Variants in ALS2 observed in about 807,000 individuals in gnomAD.
ALS2 encodes the protein alsin.
In ALS2, 117 loss-of-function variants were observed where a neutral mutation model predicts 203.4. The ratio of observed to expected loss-of-function variants is 0.58; its 90% confidence interval spans 0.50 to 0.67. The LOEUF is 0.67. Among genes scored for constraint, ALS2 ranks in the 30% least tolerant of loss-of-function variants. ALS2 has a pLI of 0.00. For missense variants in ALS2, 1,715 were observed against 1,989.4 expected (o/e 0.86, Z 2.62); for synonymous variants, 718 against 725.9 (o/e 0.99, Z 0.17).
intron 31 of ALS2, 30 bp downstream of exon 31, chr2:201,705,109 T>A: frequency 1.2e-6 from 2 of 1,603,196 alleles, no homozygotes; most frequent in Non-Finnish European, 1.7e-6. Flanking sequence ...TACTTTGATT[T>A]GTATGGCTTT....
At chr2:201,740,861 C>T (rs1692222590) in intron 11 of ALS2, among the ~76,000 whole-genome samples, 1 of 152,070 alleles carries the variant, frequency 6.6e-6, no homozygotes, top group African/African-American at 2.4e-5. Context: ...AAACAAAACA[C>T]CAACAAAACA....
intron 14 of ALS2, 149 bp downstream of exon 14, chr2:201,728,903 A>T: frequency 8.1e-7 from 1 of 1,228,642 alleles, no homozygotes; most frequent in Admixed American, 1.7e-5. Flanking sequence ...TATTTAGAGT[A>T]CCCATTAGTA....
At chr2:201,704,409 T>G (rs1486297667) in intron 32 of ALS2, 45 bp downstream of exon 32, 1 of 1,612,372 alleles carries the variant, frequency 6.2e-7, no homozygotes, top group South Asian at 1.1e-5. Context: ...GCAGCAGACT[T>G]TTAAAAATAA....
chr2:201,750,911 T>C (rs926673851), intron 7 of ALS2, among the ~76,000 whole-genome samples: 2 of 149,836 alleles, frequency 1.3e-5, no homozygotes, highest in African/African-American at 4.9e-5. Flanking sequence ...TGGAGCACAA[T>C]GGCGCAATCT....
At chr2:201,774,382 G>A (rs1243249470) in intron 1 of ALS2, among the ~76,000 whole-genome samples, 1 of 152,188 alleles carries the variant, frequency 6.6e-6, no homozygotes, top group African/African-American at 2.4e-5. Context: ...TACATTTTGT[G>A]GTGGGAGGAT....
At chr2:201,705,359 C>G in intron 30 of ALS2, 57 bp downstream of exon 30, 1 of 1,577,382 alleles carries the variant, frequency 6.3e-7, no homozygotes, top group African/African-American at 1.3e-5. Context: ...TTTGCTATCT[C>G]AAATCCTTCC....
At chr2:201,708,678 G>A (rs1689869457) in intron 27 of ALS2, among the ~76,000 whole-genome samples, 1 of 152,192 alleles carries the variant, frequency 6.6e-6, no homozygotes, top group Non-Finnish European at 1.5e-5. Context: ...ATAAATTGGT[G>A]AGGAATTTTT....
intron 3 of ALS2, among the ~76,000 whole-genome samples, chr2:201,762,155 C>A (rs1233130754): frequency 2.0e-5 from 3 of 152,086 alleles, no homozygotes; most frequent in Admixed American, 1.3e-4. Flanking sequence ...TCCAAGTGTT[C>A]AAAGGCAAAA....
At chr2:201,776,722 A>G (rs1328172787) in intron 1 of ALS2, among the ~76,000 whole-genome samples, 1 of 152,196 alleles carries the variant, frequency 6.6e-6, no homozygotes, top group Non-Finnish European at 1.5e-5. Flanking sequence ...TCACCAACTG[A>G]TAACAGTGCT....
intron 23 of ALS2, 79 bp from the exon 24 acceptor site, chr2:201,718,289 T>A: frequency 3.4e-6 from 5 of 1,469,644 alleles, no homozygotes; most frequent in Non-Finnish European, 3.8e-6. Flanking sequence ...AGACAGAGTC[T>A]CACTCTGTTG....
intron 12 of ALS2, among the ~76,000 whole-genome samples, chr2:201,737,786 G>T (rs1691977743): frequency 6.6e-6 from 1 of 152,086 alleles, no homozygotes; most frequent in Non-Finnish European, 1.5e-5. Flanking sequence ...GTTCGGGGTG[G>T]TGGTGCACAC....
At chr2:201,776,934 C>T (rs566891588) in intron 1 of ALS2, among the ~76,000 whole-genome samples, 1 of 152,238 alleles carries the variant, frequency 6.6e-6, no homozygotes, top group South Asian at 2.1e-4. Context: ...ATTAGTCAAC[C>T]ATTTAACACA....
chr2:201,766,448 C>A (rs1375116566), intron 3 of ALS2, among the ~76,000 whole-genome samples: 2 of 151,566 alleles, frequency 1.3e-5, no homozygotes, highest in African/African-American at 2.4e-5. Context: ...GAGTTCAAGA[C>A]CAGCCTGGCC....
intron 10 of ALS2, among the ~76,000 whole-genome samples, chr2:201,743,289 G>C (rs997681868): frequency 6.6e-6 from 1 of 152,086 alleles, no homozygotes; most frequent in Non-Finnish European, 1.5e-5. Context: ...ATCTGCAACA[G>C]TTCCCTCAAC....
intron 12 of ALS2, among the ~76,000 whole-genome samples, chr2:201,737,546 G>A (rs191710384): frequency 2.0e-5 from 3 of 152,218 alleles, no homozygotes; most frequent in African/African-American, 7.2e-5. Context: ...CATTTTTAAT[G>A]GTGAAATATT....
chr2:201,757,897 T>A, intron 4 of ALS2, 138 bp from the exon 5 acceptor site: 2 of 668,314 alleles, frequency 3.0e-6, no homozygotes, highest in Non-Finnish European at 5.0e-6. Flanking sequence ...CATCTTCAAC[T>A]AAAGGTATTC....
At chr2:201,706,709 T>C (rs540489636) in intron 29 of ALS2, 137 bp downstream of exon 29, 18 of 810,902 alleles carry the variant, frequency 2.2e-5, no homozygotes, top group Non-Finnish European at 3.3e-5. Flanking sequence ...ACTATCACTA[T>C]TTTGTTAAAG....
intron 13 of ALS2, among the ~76,000 whole-genome samples, chr2:201,730,641 A>G (rs964616412): frequency 6.6e-6 from 1 of 152,118 alleles, no homozygotes; most frequent in Non-Finnish European, 1.5e-5. Flanking sequence ...TTAAAAAAAA[A>G]AAAAGCAACC....
Position 201,733,168 on chromosome 2 carries a change from G to A in ALS2, c.2580+108C>T, listed in dbSNP as rs1483461099. 10 of 1,169,846 alleles carry A rather than the reference G, an allele frequency of 8.5e-6. No homozygotes were observed. The Admixed American group carries it at 1.7e-4, about 20-fold the overall frequency. The allele number at this position is 1,169,846 out of a possible 1,614,324, so 72.5% of individuals were successfully genotyped here. A position where few individuals can be genotyped will look rare whatever the true frequency, so the allele number is the denominator to read the frequency against. On this transcript the variant is annotated intron_variant, in intron 13 of 33. Coordinates refer to ENST00000264276, the MANE Select transcript of ALS2 (RefSeq NM_020919.4). ...GAAAATTAAATTTAATTAGACACAG[G>A]TAAATATTAAATTACTGGAGTTCCA... is the stretch of plus-strand genomic sequence containing the variant.
Sources: allele counts gnomAD v4.1 joint callset (sites outside exome capture counted in the v4.1 genomes callset), GRCh38; gene constraint gnomAD v4.1.1; transcripts MANE v1.5; gene names NCBI Gene and HGNC (gene_info 2026-07-23, HGNC 2026-07-21).